The following PRDM15 variants were observed in gnomAD, a reference collection of about 807,000 sequenced individuals.
PRDM15 encodes PR domain zinc finger protein 15.
In PRDM15, 64 loss-of-function variants were observed where a neutral mutation model predicts 128.6. The ratio of observed to expected loss-of-function variants is 0.50; its 90% CI spans 0.41 to 0.61. PRDM15 has a LOEUF of 0.61. PRDM15 is among the 20% of genes least tolerant of loss of function. The pLI, the probability that PRDM15 is intolerant of heterozygous loss-of-function variation, is 0.00. For synonymous variants in PRDM15, 615 were observed against 621.8 expected, an observed-to-expected ratio of 0.99 and a Z score of 0.16; for missense variants, 1,242 against 1,569.1, an observed-to-expected ratio of 0.79 and a Z score of 3.52.
chr21:41,869,870 A>C (rs2064150810), intron 1 of PRDM15, among the ~76,000 whole-genome samples: 1 of 152,244 alleles, frequency 6.6e-6, no homozygotes. Context: ...TGGCCTCGGC[A>C]CTGCTGACTG....
At chr21:41,820,336 A>G (rs1156993342) in intron 16 of PRDM15, among the ~76,000 whole-genome samples, 162 bp from the exon 17 acceptor site, 1 of 152,034 alleles carries the variant, frequency 6.6e-6, no homozygotes, top group Admixed American at 6.6e-5. Flanking sequence ...CTCAATCGTA[A>G]CCCCCCGAAT....
chr21:41,864,985 A>C, intron 1 of PRDM15, among the ~76,000 whole-genome samples: 1 of 139,272 alleles, frequency 7.2e-6, no homozygotes, highest in Non-Finnish European at 1.5e-5. Context: ...CCCTCTCCCC[A>C]GCCCTCTCTG....
chr21:41,823,370 C>A lies in PRDM15; in HGVS notation c.1709G>T (p.Arg570Leu), dbSNP rs750430962. 6.3e-7 allele frequency: 1 copy of A among 1,596,042 alleles called. No homozygotes were observed. Among genetic ancestry groups the A allele is most frequent in the Non-Finnish European group, 8.5e-7 (1 of 1,171,704 alleles). Residue 570 changes from arginine to leucine, a missense_variant, in exon 14 of 24, where the codon CGC (arginine) becomes CTC (leucine). Arg to Leu is a moderately radical substitution (Grantham distance 102). Around this residue, in one of 3 missense-constraint regions of PRDM15, gnomAD observed 28 missense variants for 63.8 expected, o/e 0.44. Transcript: ENST00000398548. ...GAGCACATCCACGCGGAAGAACTTGCGCCCGCAGATCTCGCAGGTGTACTT... is the reference window on the plus strand; with the variant it reads ...GAGCACATCCACGCGGAAGAACTTGAGCCCGCAGATCTCGCAGGTGTACTT... ...DKKYTCEICGRKFFRVDVLRD... is the reference protein window; with the variant it reads ...DKKYTCEICGLKFFRVDVLRD...
chr21:41,864,238 C>T (rs2063921697), intron 1 of PRDM15, among the ~76,000 whole-genome samples: 1 of 152,162 alleles, frequency 6.6e-6, no homozygotes, highest in South Asian at 2.1e-4. Context: ...ACTGGGCATC[C>T]ACAGTTCATT....
Position 41,854,471 on chromosome 21 carries a change from C to A in PRDM15, c.538+95G>T. On this transcript the variant is annotated intron_variant, in intron 5 of 23. Coordinates refer to ENST00000398548, the MANE Select transcript of PRDM15 (RefSeq NM_001040424.3). The surrounding 1 kb of genome is among the most constrained non-coding windows in gnomAD (Gnocchi z 4.6). ...CAGCAGCTGGCCCAGCCCAACCCATCTCATCAGTGTGGGGTCAGCACAGAG... is the reference window on the plus strand; with the variant it reads ...CAGCAGCTGGCCCAGCCCAACCCATATCATCAGTGTGGGGTCAGCACAGAG... 1 of 1,486,894 alleles carries A rather than the reference C, an allele frequency of 6.7e-7. No individual in the cohort carries two copies. Among genetic ancestry groups the A allele is most frequent in the Admixed American group, 2.0e-5 (1 of 50,864 alleles). The allele number at this position is 1,486,894 out of a possible 1,614,324, so 92.1% of individuals were successfully genotyped here.
In PRDM15 at chr21:41,812,366, T is replaced by G. The variant is rs374530933; in HGVS notation, c.2393-1530A>C. 7.9e-5 allele frequency: 12 copies of G among 152,350 alleles called. 1 individual carries two copies. In the East Asian group the frequency reaches 2.1e-3, roughly 27 times the overall value. The allele number at this position is 152,350 out of a possible 1,614,324, so 9.4% of individuals were successfully genotyped here. A position where few individuals can be genotyped will look rare whatever the true frequency, so the allele number is the denominator to read the frequency against. ...GATTACTAGGGAAAAAGAACCAGCA[T>G]AGCCATCATCGTGACATTCCCAGGA... On this transcript the variant is annotated intron_variant, in intron 19 of 23. Coordinates refer to ENST00000398548, the MANE Select transcript of PRDM15 (RefSeq NM_001040424.3).
intron 19 of PRDM15, 76 bp downstream of exon 19, chr21:41,815,629 T>C: frequency 3.2e-6 from 5 of 1,571,264 alleles, no homozygotes; most frequent in Non-Finnish European, 4.3e-6. Flanking sequence ...AAGGCGGCTC[T>C]CTCTTCTCCC....
chr21:41,816,496 C>G (rs886180438), intron 18 of PRDM15, among the ~76,000 whole-genome samples: 12 of 152,166 alleles, frequency 7.9e-5, no homozygotes, highest in Admixed American at 2.6e-4. Flanking sequence ...TCCCCAGCCC[C>G]GAAGAGGCGC....
chr21:41,825,875 T>C (rs940013020), intron 13 of PRDM15, 85 bp downstream of exon 13: 1 of 1,072,506 alleles, frequency 9.3e-7, no homozygotes, highest in Middle Eastern at 2.0e-4. Flanking sequence ...CCCTGCAATA[T>C]TCTATAAGTA....
In PRDM15 at chr21:41,828,427, G is replaced by T. The variant is rs1327260283; in HGVS notation, c.1367-94C>A. 3.0e-6 allele frequency: 4 copies of T among 1,336,856 alleles called. No homozygotes were observed. The highest frequency in any genetic ancestry group is 4.2e-6 in the Non-Finnish European group (4 of 944,546). 82.8% of individuals were successfully genotyped at this position (1,336,856 alleles called of 1,614,324 possible). On this transcript the variant is annotated intron_variant, in intron 11 of 23. Coordinates refer to ENST00000398548, the MANE Select transcript of PRDM15 (RefSeq NM_001040424.3). This position sits in a 1 kb window ranked among gnomAD's most constrained non-coding sequence, Gnocchi z 5.7. ...TGGCCTGAACGTCAATAAAGCGCGG[G>T]TGACGGGCATGAGAGTCACGGGGAT... is the stretch of plus-strand genomic sequence containing the variant.
intron 6 of PRDM15, among the ~76,000 whole-genome samples, chr21:41,846,790 G>GCTGGCTC (rs1219079422): frequency 6.6e-6 from 1 of 152,246 alleles, no homozygotes; most frequent in African/African-American, 2.4e-5. Flanking sequence ...ACATGCCACG[G>GCTGGCTC]CTGGCTCCTG....
Position 41,861,518 on chromosome 21 carries a change from T to C in PRDM15, c.-9-1146A>G. 2.0e-6 allele frequency: 3 copies of C among 1,484,158 alleles called. No homozygotes were observed. In the South Asian group the frequency reaches 3.8e-5, roughly 19 times the overall value. The allele number at this position is 1,484,158 out of a possible 1,614,324, so 91.9% of individuals were successfully genotyped here. On this transcript the variant is annotated intron_variant, in intron 1 of 23. Transcript: ENST00000398548. The stretch of plus-strand genomic sequence containing the variant: ...GATACACACAGTATGTGCCACCAAA[T>C]GATTATTCCTCCTCTGCCCCCCCCC...
At chr21:41,865,307 T>C (rs950988683) in intron 1 of PRDM15, among the ~76,000 whole-genome samples, 1 of 152,142 alleles carries the variant, frequency 6.6e-6, no homozygotes, top group African/African-American at 2.4e-5. Context: ...CGCTCTGCGA[T>C]TTCCTTCACA....
In PRDM15 at chr21:41,810,753, C is replaced by A; in HGVS notation, c.2476G>T (p.Val826Leu). The A allele has an allele frequency of 6.2e-7, 1 of 1,613,918 alleles. No homozygotes were observed. The highest frequency in any genetic ancestry group is 8.5e-7 in the Non-Finnish European group (1 of 1,179,932). Residue 826 changes from valine (V) to leucine (L), a missense_variant and splice_region_variant, in exon 20 of 24, where the codon GTG (valine) becomes TTG (leucine). Around this residue, in one of 3 missense-constraint regions of PRDM15, gnomAD observed 602 missense variants for 788.3 expected, o/e 0.76. Coordinates refer to ENST00000398548, the MANE Select transcript of PRDM15 (RefSeq NM_001040424.3). This position sits in a 1 kb window ranked among gnomAD's most constrained non-coding sequence, Gnocchi z 6.4. Reference protein sequence around the residue: ...TMETHKLIHTVGKQWTCSVCD... With the variant: ...TMETHKLIHTLGKQWTCSVCD... ...GGCTCCTTCAGGCTGCGCCGCTCAC[C>A]TGTGTGGATGAGCTTGTGGGTCTCC...
At position 41,811,751 on chromosome 21, in the gene PRDM15, T is replaced by G. The variant is rs1346282172; in HGVS notation, c.2393-915A>C. The G allele has an allele frequency of 6.7e-6, 1 of 149,676 alleles. No individual in the cohort carries two copies. The highest frequency in any genetic ancestry group is 1.5e-5 in the Non-Finnish European group (1 of 67,794). The allele number at this position is 149,676 out of a possible 1,614,324, so 9.3% of individuals were successfully genotyped here. ...CAGGTTGGAGTGCAGCGGCGCGATC[T>G]CGGCTCACTGCAAGCTCCGCTTCCC... On this transcript the variant is annotated intron_variant, in intron 19 of 23. Coordinates refer to ENST00000398548, the MANE Select transcript of PRDM15 (RefSeq NM_001040424.3). The surrounding 1 kb of genome is among the most constrained non-coding windows in gnomAD (Gnocchi z 4.1).
At chr21:41,804,430 G>T (rs1356808119) in intron 22 of PRDM15, 104 bp downstream of exon 22, 2 of 862,230 alleles carry the variant, frequency 2.3e-6, no homozygotes, top group Non-Finnish European at 3.7e-6. Flanking sequence ...CCACAGGCTT[G>T]CCCAGAGCTG....
chr21:41,849,266 A>G (rs571870677), intron 5 of PRDM15, among the ~76,000 whole-genome samples: 19 of 152,348 alleles, frequency 1.2e-4, no homozygotes, highest in Admixed American at 2.6e-4. Context: ...ACAACTGTAG[A>G]CACTCAAAAG....
chr21:41,850,246 C>T (rs764098891), intron 5 of PRDM15, among the ~76,000 whole-genome samples: 3 of 146,194 alleles, frequency 2.1e-5, no homozygotes, highest in South Asian at 2.2e-4. Flanking sequence ...CTGGTGGGGA[C>T]GGGATGTCCC....
At chr21:41,816,653 G>A (rs1228476455) in intron 18 of PRDM15, among the ~76,000 whole-genome samples, 1 of 152,192 alleles carries the variant, frequency 6.6e-6, no homozygotes, top group Non-Finnish European at 1.5e-5. Context: ...CTCACCAGAT[G>A]CAGGGGTGAC....
Sources: allele counts gnomAD v4.1 joint callset (sites outside exome capture counted in the v4.1 genomes callset), GRCh38; gene constraint gnomAD v4.1.1; regional missense constraint gnomAD v4.1.1; non-coding constraint Gnocchi (gnomAD v3.1); transcripts MANE v1.5; gene names NCBI Gene and HGNC (gene_info 2026-07-23, HGNC 2026-07-21).